CELF2: variants seen among roughly 807,000 people sequenced by gnomAD.
CELF2 encodes the protein CUGBP Elav-like family member 2, also known as CUG triplet repeat RNA-binding protein 2.
Under a neutral mutation model 62.6 loss-of-function variants are expected in CELF2, and 8 were observed. The ratio of observed to expected loss-of-function variants is 0.13; its 90% CI spans 0.07 to 0.23. CELF2 has a LOEUF of 0.23. CELF2 is among the 10% of genes least tolerant of loss of function. The probability of loss-of-function intolerance (pLI) is 1.00; values close to 1 mark genes in which losing one functional copy is unlikely to be tolerated. For synonymous variants in CELF2, 258 were observed against 250.0 expected, an observed-to-expected ratio of 1.03 and a Z score of -0.30; for missense variants, 333 against 671.0, an observed-to-expected ratio of 0.50 and a Z score of 5.56.
rs1204223982 is a variant in CELF2, at chr10:11,252,498, T to A, written c.403+3297T>A. Among the ~76,000 whole-genome samples, 15 of 152,300 alleles carry A rather than the reference T, an allele frequency of 9.8e-5. No individual in the cohort carries two copies. In the East Asian group the frequency reaches 2.3e-3, roughly 24 times the overall value. On this transcript the variant is annotated intron_variant, in intron 4 of 12. Coordinates refer to ENST00000633077, the MANE Select transcript of CELF2 (RefSeq NM_001326342.2). ...CATGGATTAATTCATGATGGACAGG[T>A]GAACTCCAGAAAAGCAGTCACCCTT...
At chr10:10,500,277 A>T in the CELF2 span, among the ~76,000 whole-genome samples, 2 of 152,200 alleles carry the variant, frequency 1.3e-5, no homozygotes, top group African/African-American at 4.8e-5. Flanking sequence ...ATTCAGAGAG[A>T]TGCTATGTAT....
intron 1 of CELF2, among the ~76,000 whole-genome samples, chr10:10,900,567 A>G (rs1284829524): frequency 6.6e-6 from 1 of 152,136 alleles, no homozygotes; most frequent in Non-Finnish European, 1.5e-5. Flanking sequence ...CTCAACCTGA[A>G]ACTTCCTTAA....
At chr10:11,249,249 A>G in intron 4 of CELF2, 48 bp downstream of exon 4, 1 of 1,502,888 alleles carries the variant, frequency 6.7e-7, no homozygotes, top group Non-Finnish European at 9.3e-7. Flanking sequence ...CTGCTGCTTT[A>G]AATTACAAAG....
intron 7 of CELF2, among the ~76,000 whole-genome samples, chr10:11,272,303 TC>T (rs751976641): frequency 1.0e-3 from 160 of 152,382 alleles, no homozygotes; most frequent in Non-Finnish European, 2.1e-3. Flanking sequence ...TCTTGACTAA[TC>T]AGTCTAAAAA....
chr10:10,531,014 G>T, the CELF2 span, among the ~76,000 whole-genome samples: 1 of 152,138 alleles, frequency 6.6e-6, no homozygotes, highest in East Asian at 1.9e-4. Context: ...GCTGATATTA[G>T]CACATAAAAT....
intron 3 of CELF2, among the ~76,000 whole-genome samples, chr10:11,238,295 T>G (rs528948278): frequency 5.3e-5 from 8 of 152,352 alleles, no homozygotes. Flanking sequence ...GGTCTTTTGT[T>G]GTAATTGTAG....
In CELF2 at chr10:11,310,655, G is replaced by A. The variant is rs116870592; in HGVS notation, c.977-3484G>A. The stretch of plus-strand genomic sequence containing the variant: ...GCTGGTTTAGAATTCAAACATGTGC[G>A]AGGGATAGTTTTTAACACGCTACTT... On this transcript the variant is annotated intron_variant, in intron 9 of 12. Transcript: ENST00000633077. Among the ~76,000 whole-genome samples the A allele has an allele frequency of 1.8e-3, 267 of 151,846 alleles. 6 individuals carry two copies. In the East Asian group the frequency reaches 0.042, roughly 24 times the overall value.
chr10:11,159,323 A>G lies in CELF2; in HGVS notation c.75-6163A>G, dbSNP rs1596355541. ...CCCTGGATGCCACTACAGTTAAGAC[A>G]TAGCTGTGTCAGAAAGGTGGCAAAC... On this transcript the variant is annotated intron_variant, in intron 1 of 12. Transcript: ENST00000633077. The surrounding 1 kb of genome is among the most constrained non-coding windows in gnomAD (Gnocchi z 5.0). Among the ~76,000 whole-genome samples, 1 of 152,258 alleles carries G rather than the reference A, an allele frequency of 6.6e-6. No individual in the cohort carries two copies.
chr10:11,073,619 A>C (rs1475630608), intron 1 of CELF2, among the ~76,000 whole-genome samples: 1 of 152,174 alleles, frequency 6.6e-6, no homozygotes. Context: ...TTTCAAGTGG[A>C]ATGGTTTTTA....
At chr10:10,518,715 T>C in the CELF2 span, among the ~76,000 whole-genome samples, 2 of 121,778 alleles carry the variant, frequency 1.6e-5, no homozygotes, top group East Asian at 4.0e-4. Flanking sequence ...TACCACAAAA[T>C]GATTTTTTTT....
rs951276876 is a variant in CELF2 at position 11,324,931 on chromosome 10, G to A, written c.1295-905G>A. The stretch of plus-strand genomic sequence containing the variant: ...CCCCTCCTCGGAAGACTCCATGCCT[G>A]GAACGCCCAAGAAACAGCCAGCCCT... On this transcript the variant is annotated intron_variant, in intron 11 of 12. Coordinates refer to ENST00000633077, the MANE Select transcript of CELF2 (RefSeq NM_001326342.2). The surrounding 1 kb of genome is among the most constrained non-coding windows in gnomAD (Gnocchi z 4.7). Among the ~76,000 whole-genome samples the A allele has an allele frequency of 1.3e-5, 2 of 152,138 alleles. No homozygotes were observed. The highest frequency in any genetic ancestry group is 2.4e-5 in the African/African-American group (1 of 41,416).
chr10:10,540,955 C>A, the CELF2 span, among the ~76,000 whole-genome samples: 1 of 152,116 alleles, frequency 6.6e-6, no homozygotes, highest in South Asian at 2.1e-4. Context: ...GAGGCCGAGG[C>A]GTGTGGATCA....
rs2065517975 is a variant in CELF2, at chr10:11,223,496, A to G, written c.354+5989A>G. The stretch of plus-strand genomic sequence containing the variant: ...ATTCGCCCTCATGGGACTGCCTAGG[A>G]GGAGCCATTTCCCTGCCATCTGTGT... On this transcript the variant is annotated intron_variant, in intron 3 of 12. Coordinates refer to ENST00000633077, the MANE Select transcript of CELF2 (RefSeq NM_001326342.2). The surrounding 1 kb of genome is among the most constrained non-coding windows in gnomAD (Gnocchi z 5.1). Among the ~76,000 whole-genome samples, 1 of 152,236 alleles carries G rather than the reference A, an allele frequency of 6.6e-6. No homozygotes were observed. Among genetic ancestry groups the G allele is most frequent in the Non-Finnish European group, 1.5e-5 (1 of 68,038 alleles).
At chr10:11,204,604 C>T (rs1052346790) in intron 2 of CELF2, among the ~76,000 whole-genome samples, 3 of 152,260 alleles carry the variant, frequency 2.0e-5, no homozygotes, top group African/African-American at 4.8e-5. Flanking sequence ...CAGAGAGCTG[C>T]ATTCCTTAGG....
At chr10:10,473,702 A>G in the CELF2 span, among the ~76,000 whole-genome samples, 2 of 152,068 alleles carry the variant, frequency 1.3e-5, no homozygotes, top group South Asian at 4.1e-4. Flanking sequence ...TATATTTACT[A>G]TGCAGATCAA....
At chr10:11,183,696 G>A (rs530934369) in intron 2 of CELF2, among the ~76,000 whole-genome samples, 33 of 152,302 alleles carry the variant, frequency 2.2e-4, no homozygotes, top group East Asian at 7.7e-4. Flanking sequence ...GATGGCTAAC[G>A]ATGCTGAGCA....
chr10:10,602,452 G>C, the CELF2 span, among the ~76,000 whole-genome samples: 1 of 151,348 alleles, frequency 6.6e-6, no homozygotes, highest in South Asian at 2.1e-4. Flanking sequence ...CTTTTAAATA[G>C]AATAGAACTG....
chr10:10,555,656 C>A, the CELF2 span, among the ~76,000 whole-genome samples: 1 of 152,090 alleles, frequency 6.6e-6, no homozygotes, highest in Non-Finnish European at 1.5e-5. Flanking sequence ...TATTGCATAC[C>A]CTGTACCATT....
At chr10:11,047,382 G>A (rs2063058513) in intron 1 of CELF2, among the ~76,000 whole-genome samples, 1 of 152,182 alleles carries the variant, frequency 6.6e-6, no homozygotes, top group Non-Finnish European at 1.5e-5. Flanking sequence ...CGCAAGCTTA[G>A]TGAACTCGGG....
Sources: allele counts gnomAD v4.1 joint callset (sites outside exome capture counted in the v4.1 genomes callset), GRCh38; gene constraint gnomAD v4.1.1; non-coding constraint Gnocchi (gnomAD v3.1); transcripts MANE v1.5; gene names NCBI Gene and HGNC (gene_info 2026-07-23, HGNC 2026-07-21).